Variants in RGS21 observed in about 807,000 individuals in gnomAD.
The protein encoded by RGS21 is regulator of G protein signaling 21, also known as regulator of G-protein signalling 21.
A neutral mutation model predicts 18.7 loss-of-function variants in RGS21; 19 were observed. The observed-to-expected ratio is 1.01, with a 90% CI of 0.71 to 1.49. The LOEUF is 1.49. Ranked by LOEUF, RGS21 falls within the 40% of genes most tolerant of loss-of-function variation. The pLI is 0.00. For missense variants in RGS21, 194 were observed against 176.8 expected (o/e 1.10, Z -0.55); for synonymous variants, 56 against 57.8 (o/e 0.97, Z 0.14).
intron 1 of RGS21, among the ~76,000 whole-genome samples, chr1:192,342,368 T>C (rs771335754): frequency 2.0e-5 from 3 of 152,030 alleles, no homozygotes; most frequent in Non-Finnish European, 4.4e-5. Flanking sequence ...TCATATTGCA[T>C]AAAGAAATAT....
chr1:192,366,141 C>CTAGT lies in RGS21; in HGVS notation c.*19_*20insGTTA, dbSNP rs1553241626. ...TTTTTGTGAGGAAGGTAAAAGTTAA[C>CTAGT]TAATCACTATACTTCAGGGCTACAA... On this transcript the variant is annotated 3_prime_UTR_variant, in exon 5 of 5. Transcript: ENST00000417209. 44 of 1,362,010 alleles carry CTAGT rather than the reference C, an allele frequency of 3.2e-5. No individual in the cohort carries two copies. Among genetic ancestry groups the CTAGT allele is most frequent in the Non-Finnish European group, 4.3e-5 (41 of 954,358 alleles). 84.4% of individuals were successfully genotyped at this position (1,362,010 alleles called of 1,614,324 possible).
At chr1:192,340,186 A>G (rs982643431) in intron 1 of RGS21, among the ~76,000 whole-genome samples, 3 of 152,138 alleles carry the variant, frequency 2.0e-5, no homozygotes, top group Non-Finnish European at 4.4e-5. Flanking sequence ...TTCCACAGAA[A>G]TTCCCATTGA....
At chr1:192,336,857 G>A (rs558012499) in intron 1 of RGS21, among the ~76,000 whole-genome samples, 60 of 152,078 alleles carry the variant, frequency 3.9e-4, no homozygotes, top group African/African-American at 1.4e-3. Context: ...AAATAATCTT[G>A]TTATGAGTTG....
intron 4 of RGS21, among the ~76,000 whole-genome samples, chr1:192,364,247 G>A (rs1224382872): frequency 6.6e-6 from 1 of 152,060 alleles, no homozygotes; most frequent in South Asian, 2.1e-4. Context: ...TTTGGCACTT[G>A]TTCTGGAACT....
In RGS21 at chr1:192,366,100, T is replaced by C. The variant is rs769117918; in HGVS notation, c.435T>C (p.His145=). 21 of 1,606,026 alleles carry C rather than the reference T, an allele frequency of 1.3e-5. No individual in the cohort carries two copies. Among genetic ancestry groups the C allele is most frequent in the African/African-American group, 2.7e-5 (2 of 73,690 alleles). ...TAAATAGCCAACAGGTTCCAAATCA[T>C]AAAAAATGGCTCCCTTTTTTGTGAG... ...KLVNSQQVPN[H]KKWLPFL Residue 145 remains histidine, a synonymous_variant, in exon 5 of 5, where the codon CAT becomes CAC. Transcript: ENST00000417209.
intron 1 of RGS21, among the ~76,000 whole-genome samples, chr1:192,332,426 C>T (rs1211587047): frequency 2.0e-5 from 3 of 152,098 alleles, no homozygotes; most frequent in Non-Finnish European, 4.4e-5. Context: ...AAAAGTCAAC[C>T]TTGTTCGAAA....
At chr1:192,354,350 T>C (rs531101291) in intron 4 of RGS21, among the ~76,000 whole-genome samples, 1 of 151,842 alleles carries the variant, frequency 6.6e-6, no homozygotes, top group South Asian at 2.1e-4. Flanking sequence ...GGTTCACACA[T>C]GAAAAATGAG....
chr1:192,335,972 A>T (rs1410637061), intron 1 of RGS21, among the ~76,000 whole-genome samples: 7 of 152,292 alleles, frequency 4.6e-5, no homozygotes, highest in South Asian at 4.1e-4. Flanking sequence ...CAACAAAAAA[A>T]TTTTTTAGTT....
chr1:192,364,442 AT>A (rs1411879001), intron 4 of RGS21, among the ~76,000 whole-genome samples: 1 of 152,076 alleles, frequency 6.6e-6, no homozygotes, highest in Non-Finnish European at 1.5e-5. Flanking sequence ...ATAGTTTGGT[AT>A]TCTTGTGTCA....
At chr1:192,330,144 T>G (rs1442028823) in intron 1 of RGS21, among the ~76,000 whole-genome samples, 2 of 152,106 alleles carry the variant, frequency 1.3e-5, no homozygotes, top group Non-Finnish European at 2.9e-5. Context: ...AAAGGAGAGA[T>G]AAGATATGGT....
intron 1 of RGS21, among the ~76,000 whole-genome samples, chr1:192,321,908 A>T (rs1200535738): frequency 6.6e-6 from 1 of 152,090 alleles, no homozygotes; most frequent in African/African-American, 2.4e-5. Flanking sequence ...ACACAAACAC[A>T]CACCCACAAT....
intron 1 of RGS21, among the ~76,000 whole-genome samples, chr1:192,328,661 T>C (rs982789905): frequency 2.6e-5 from 4 of 152,124 alleles, no homozygotes; most frequent in Non-Finnish European, 5.9e-5. Context: ...GAAATAATTA[T>C]CAAAATACAC....
chr1:192,360,830 A>ACC (rs1166973175), intron 4 of RGS21, among the ~76,000 whole-genome samples: 2 of 152,062 alleles, frequency 1.3e-5, no homozygotes, highest in African/African-American at 4.8e-5. Context: ...TACTTGAAAA[A>ACC]CCAGCTTAAA....
At chr1:192,365,890 A>C (rs759987852) in intron 4 of RGS21, 31 bp from the exon 5 acceptor site, 1 of 1,230,038 alleles carries the variant, frequency 8.1e-7, no homozygotes, top group South Asian at 1.3e-5. Flanking sequence ...GATTAAACTA[A>C]TTCAATGATA....
chr1:192,337,797 TATACA>T (rs1658795409), intron 1 of RGS21, among the ~76,000 whole-genome samples: 1 of 152,196 alleles, frequency 6.6e-6, no homozygotes, highest in South Asian at 2.1e-4. Context: ...CTTTTAAATG[TATACA>T]ATACTTTTAT....
intron 1 of RGS21, among the ~76,000 whole-genome samples, chr1:192,320,938 C>T (rs950914619): frequency 6.6e-6 from 1 of 151,978 alleles, no homozygotes; most frequent in African/African-American, 2.4e-5. Flanking sequence ...CTCCCCATAT[C>T]ATTTATAAAC....
chr1:192,332,971 TA>T (rs78047721), intron 1 of RGS21, among the ~76,000 whole-genome samples: 31 of 149,182 alleles, frequency 2.1e-4, no homozygotes, highest in Admixed American at 6.0e-4. Context: ...CCTCAACTGT[TA>T]AAAAAAAATA....
chr1:192,355,253 A>G (rs569281850), intron 4 of RGS21, among the ~76,000 whole-genome samples: 1 of 151,866 alleles, frequency 6.6e-6, no homozygotes, highest in South Asian at 2.1e-4. Context: ...AGAATGATAC[A>G]TGAGATAGTG....
rs1333921906 is a variant in RGS21, at chr1:192,340,904, T to C, written c.-60-2073T>C. Among the ~76,000 whole-genome samples the C allele has an allele frequency of 5.3e-5, 8 of 152,104 alleles. No individual in the cohort carries two copies. The East Asian group carries it at 1.2e-3, about 22-fold the overall frequency. ...CGCCCACATGATTCAATTATCTCCC[T>C]CCAGGTACCTCCCACAATACGTGAG... On this transcript the variant is annotated intron_variant, in intron 1 of 4. Transcript: ENST00000417209.
Sources: allele counts gnomAD v4.1 joint callset (sites outside exome capture counted in the v4.1 genomes callset), GRCh38; gene constraint gnomAD v4.1.1; transcripts MANE v1.5; gene names NCBI Gene and HGNC (gene_info 2026-07-23, HGNC 2026-07-21).